Variants in VEZT observed in about 807,000 individuals in gnomAD.
VEZT encodes vezatin, adherens junctions transmembrane protein.
A neutral mutation model predicts 79.9 loss-of-function variants in VEZT; 39 were observed. The observed-to-expected ratio is 0.49, with a 90% CI of 0.38 to 0.64. VEZT has a LOEUF of 0.64. Among genes scored for constraint, VEZT ranks in the 30% least tolerant of loss-of-function variants. The pLI, the probability that VEZT is intolerant of heterozygous loss-of-function variation, is 0.00. For missense variants in VEZT, 837 were observed against 893.1 expected (o/e 0.94, Z 0.80); for synonymous variants, 325 against 327.6 (o/e 0.99, Z 0.09).
intron 1 of VEZT, among the ~76,000 whole-genome samples, chr12:95,240,069 G>GA (rs148584969): frequency 0.014 from 890 of 65,020 alleles, 22 homozygotes; most frequent in East Asian, 0.04. Context: ...AGGAAGGAAG[G>GA]AAGGAAGAAA....
intron 8 of VEZT, among the ~76,000 whole-genome samples, chr12:95,285,944 T>C (rs1186231272): frequency 6.6e-6 from 1 of 150,560 alleles, no homozygotes; most frequent in African/African-American, 2.4e-5. Context: ...TTTGTCATAC[T>C]AGTAAATAAA....
chr12:95,244,329 T>C (rs1319495906), intron 1 of VEZT, among the ~76,000 whole-genome samples: 1 of 152,140 alleles, frequency 6.6e-6, no homozygotes, highest in African/African-American at 2.4e-5. Flanking sequence ...AGTTTGAGGC[T>C]GCAGTGAGCT....
intron 2 of VEZT, among the ~76,000 whole-genome samples, chr12:95,254,405 G>T (rs2137982174): frequency 7.5e-6 from 1 of 132,468 alleles, no homozygotes; most frequent in African/African-American, 2.9e-5. Context: ...GGAGGGCAGT[G>T]ACGCAATATT....
In VEZT at chr12:95,289,101, T is replaced by A. The variant is rs376093469; in HGVS notation, c.1522+1244T>A. 8.2e-3 allele frequency among the ~76,000 whole-genome samples: 952 copies of A among 116,434 alleles called. 5 individuals are homozygous for A. Among genetic ancestry groups the A allele is most frequent in the Non-Finnish European group, 0.013 (681 of 50,728 alleles). The allele number at this position is 116,434 out of a possible 152,430, so 76.4% of individuals were successfully genotyped here. On this transcript the variant is annotated intron_variant, in intron 9 of 11. Transcript: ENST00000436874. ...CGTCTCAAAAAAAAAAATAAATAAA[T>A]AAATAAATAAATAAATAAATAAATA... is the stretch of plus-strand genomic sequence containing the variant.
chr12:95,248,709 A>T (rs2062047203), intron 1 of VEZT, among the ~76,000 whole-genome samples: 1 of 151,624 alleles, frequency 6.6e-6, no homozygotes, highest in African/African-American at 2.4e-5. Context: ...TTAGGAGAGG[A>T]GGGCACGATG....
At chr12:95,257,086 G>A in intron 2 of VEZT, 64 bp from the exon 3 acceptor site, 2 of 1,330,184 alleles carry the variant, frequency 1.5e-6, no homozygotes, top group African/African-American at 3.0e-5. Context: ...TAAGTACTTT[G>A]AAGTTTTTCT....
intron 11 of VEZT, among the ~76,000 whole-genome samples, chr12:95,298,527 C>T (rs970992063): frequency 6.6e-6 from 1 of 152,180 alleles, no homozygotes; most frequent in African/African-American, 2.4e-5. Context: ...TATTATCCCA[C>T]AGCATTCATT....
Position 95,295,944 on chromosome 12 carries a change from C to A in VEZT, c.1624-107C>A, listed in dbSNP as rs774077249. 5.8e-4 allele frequency: 490 copies of A among 843,738 alleles called. 1 individual carries two copies. Among genetic ancestry groups the A allele is most frequent in the Non-Finnish European group, 5.8e-4 (327 of 563,208 alleles). The allele number at this position is 843,738 out of a possible 1,614,324, so 52.3% of individuals were successfully genotyped here. A position where few individuals can be genotyped will look rare whatever the true frequency, so the allele number is the denominator to read the frequency against. ...CTGCTTTAATGACCTGTGCCAAATG[C>A]AAGTCCTTTTTTTTTAATCTCAGAG... On this transcript the variant is annotated intron_variant, in intron 10 of 11. Coordinates refer to ENST00000436874, the MANE Select transcript of VEZT (RefSeq NM_017599.4).
At chr12:95,289,417 C>CAAAAAAAA (rs146728004) in intron 9 of VEZT, among the ~76,000 whole-genome samples, 12 of 69,484 alleles carry the variant, frequency 1.7e-4, no homozygotes, top group Admixed American at 2.0e-4. Flanking sequence ...ACTCTTGTCT[C>CAAAAAAAA]AAAAAAAAAA....
At chr12:95,255,544 G>C (rs1274808752) in intron 2 of VEZT, among the ~76,000 whole-genome samples, 1 of 152,138 alleles carries the variant, frequency 6.6e-6, no homozygotes, top group Non-Finnish European at 1.5e-5. Context: ...CGATTCTCCT[G>C]CCTCAGCCTC....
chr12:95,266,838 CTGCTT>C (rs1254824978), intron 5 of VEZT, among the ~76,000 whole-genome samples: 1 of 152,130 alleles, frequency 6.6e-6, no homozygotes, highest in African/African-American at 2.4e-5. Flanking sequence ...TTCTGCCTAT[CTGCTT>C]TGAGGAACTA....
chr12:95,230,401 TTTTTC>T (rs1480095180), intron 1 of VEZT, among the ~76,000 whole-genome samples: 7 of 144,572 alleles, frequency 4.8e-5, no homozygotes, highest in African/African-American at 1.9e-4. Flanking sequence ...AATGGATTTT[TTTTTC>T]TTTTTTCTTT....
rs546103487 is a variant in VEZT, at chr12:95,231,142, G to A, written c.36+13256G>A. Among the ~76,000 whole-genome samples, 29 of 152,180 alleles carry A rather than the reference G, an allele frequency of 1.9e-4. 1 individual carries two copies. Among genetic ancestry groups the A allele is most frequent in the South Asian group, 1.0e-3 (5 of 4,812 alleles). Reference sequence around the variant, plus strand: ...CAGAATCATTGGATAGGATTTCAGCGGAAAATATTAGAAGCCTGCAGCCAG... The same window carrying A: ...CAGAATCATTGGATAGGATTTCAGCAGAAAATATTAGAAGCCTGCAGCCAG... On this transcript the variant is annotated intron_variant, in intron 1 of 11. Transcript: ENST00000436874.
intron 11 of VEZT, chr12:95,299,549 G>A (rs533961899): frequency 6.6e-6 from 1 of 152,180 alleles, no homozygotes; most frequent in East Asian, 1.9e-4. Context: ...TTAGGGTCTT[G>A]TTAGGTGGTT....
At chr12:95,234,250 T>TTGC (rs1431256663) in intron 1 of VEZT, among the ~76,000 whole-genome samples, 1 of 152,066 alleles carries the variant, frequency 6.6e-6, no homozygotes, top group East Asian at 1.9e-4. Flanking sequence ...TAAAAAACTG[T>TTGC]TGCATCATGT....
At chr12:95,249,361 C>A (rs1434348825) in intron 1 of VEZT, among the ~76,000 whole-genome samples, 3 of 152,020 alleles carry the variant, frequency 2.0e-5, no homozygotes, top group African/African-American at 7.3e-5. Flanking sequence ...TGTTCTTTTG[C>A]CCCCACTGGG....
chr12:95,240,886 A>G (rs2060915982), intron 1 of VEZT, among the ~76,000 whole-genome samples: 1 of 152,046 alleles, frequency 6.6e-6, no homozygotes, highest in African/African-American at 2.4e-5. Context: ...ACAGGTTCTC[A>G]GCCTTAGAAC....
intron 4 of VEZT, 129 bp downstream of exon 4, chr12:95,263,210 A>AATATG: frequency 3.4e-6 from 3 of 891,324 alleles, no homozygotes; most frequent in Non-Finnish European, 4.8e-6. Flanking sequence ...TTAAAGTAAC[A>AATATG]ATATGGGGGG....
At chr12:95,239,685 C>T (rs1293931046) in intron 1 of VEZT, among the ~76,000 whole-genome samples, 1 of 152,130 alleles carries the variant, frequency 6.6e-6, no homozygotes, top group African/African-American at 2.4e-5. Context: ...AGCACGGTAG[C>T]TCACACCTGT....
Sources: gnomAD v4.1 joint callset for allele counts (sites outside exome capture counted in the v4.1 genomes callset) on GRCh38, gnomAD v4.1.1 for gene constraint, MANE v1.5 for transcripts, NCBI Gene and HGNC (gene_info 2026-07-23, HGNC 2026-07-21) for gene names.